Variants in RCN3 observed in about 807,000 individuals in gnomAD.
RCN3 encodes the protein reticulocalbin-3.
RCN3 carries 41 observed loss-of-function variants against 35.9 expected under a neutral mutation model. The observed-to-expected ratio is 1.14, with a 90% confidence interval of 0.89 to 1.48. RCN3 has a LOEUF of 1.48. Ranked by LOEUF, RCN3 falls within the 40% of genes most tolerant of loss-of-function variation. RCN3 has a pLI of 0.00. For synonymous variants in RCN3, 187 were observed against 193.4 expected (o/e 0.97, Z 0.27); for missense variants, 451 against 471.3 (o/e 0.96, Z 0.40).
In RCN3 at chr19:49,543,285, C is replaced by T. The variant is rs548429327; in HGVS notation, c.*72C>T. 1.2e-4 allele frequency: 154 copies of T among 1,253,366 alleles called. No homozygotes were observed. The African/African-American group carries it at 2.1e-3, about 17-fold the overall frequency. 77.6% of individuals were successfully genotyped at this position (1,253,366 alleles called of 1,614,324 possible). A position where few individuals can be genotyped will look rare whatever the true frequency, so the allele number is the denominator to read the frequency against. On this transcript the variant is annotated 3_prime_UTR_variant, in exon 7 of 7. Transcript: ENST00000270645. ...GGAGGGGCCGCTGTGGTCTGGCCCCCTCCCTGTCCAGGCCCCGCAGGAGGC... is the reference window on the plus strand; with the variant it reads ...GGAGGGGCCGCTGTGGTCTGGCCCCTTCCCTGTCCAGGCCCCGCAGGAGGC...
intron 4 of RCN3, among the ~76,000 whole-genome samples, chr19:49,538,574 A>G (rs2080148111): frequency 6.6e-6 from 1 of 152,032 alleles, no homozygotes; most frequent in South Asian, 2.1e-4. Context: ...GGCCTCCCAA[A>G]GTGCTGGGAT....
At chr19:49,540,313 G>A (rs978543671) in intron 5 of RCN3, among the ~76,000 whole-genome samples, 1 of 151,880 alleles carries the variant, frequency 6.6e-6, no homozygotes, top group Admixed American at 6.6e-5. Flanking sequence ...ACCTGGCTGA[G>A]AGAACATTTT....
At chr19:49,535,867 T>TAG (rs1175502875) in intron 3 of RCN3, among the ~76,000 whole-genome samples, 1 of 144,742 alleles carries the variant, frequency 6.9e-6, no homozygotes, top group African/African-American at 2.6e-5. Context: ...AAAAAATATA[T>TAG]ATATATATAG....
At chr19:49,528,184 C>T in intron 1 of RCN3, 126 bp downstream of exon 1, 1 of 381,852 alleles carries the variant, frequency 2.6e-6, no homozygotes, top group Non-Finnish European at 4.7e-6. Flanking sequence ...TGCCCTGCAC[C>T]TTGCGTGGGA....
chr19:49,543,112 C>G lies in RCN3; in HGVS notation c.886C>G (p.Arg296Gly). Residue 296 changes from arginine (R) to glycine (G), a missense_variant, in exon 7 of 7, where the codon CGG (arginine) becomes GGG (glycine). Transcript: ENST00000270645. ...ACCCTGACCCTCCCTCCAGGATGGG[C>G]GGCTGAGCAAAGCGGAAATCCTGGG... ...LHESDTDKDG[R>G]LSKAEILGNW... 1 of 1,613,956 alleles carries G rather than the reference C, an allele frequency of 6.2e-7. No homozygotes were observed. The highest frequency in any genetic ancestry group is 1.3e-5 in the African/African-American group (1 of 75,016).
Position 49,534,178 on chromosome 19 carries a change from C to A in RCN3, c.243-15C>A, listed in dbSNP as rs1226646272. ...GCGGGACCAGAGCCTGACGTGTGCC[C>A]GCCCCGGCTTCTAGGCGGATCGTGG... On this transcript the variant is annotated splice_polypyrimidine_tract_variant and intron_variant, in intron 2 of 6. Transcript: ENST00000270645. 4 of 1,479,326 alleles carry A rather than the reference C, an allele frequency of 2.7e-6. No individual in the cohort carries two copies. The highest frequency in any genetic ancestry group is 2.9e-5 in the African/African-American group (2 of 68,402). 91.6% of individuals were successfully genotyped at this position (1,479,326 alleles called of 1,614,324 possible).
rs1314337953 is a variant in RCN3, at chr19:49,534,362, C to T, written c.412C>T (p.Leu138=). 10 of 1,536,666 alleles carry T rather than the reference C, an allele frequency of 6.5e-6. No homozygotes were observed. The highest frequency in any genetic ancestry group is 1.9e-4 in the Middle Eastern group (1 of 5,190). ...DRDGRVGWEE[L]RNATYGHYAP... ...CGACGGGCGTGTGGGTTGGGAGGAG[C>T]TGCGCAACGCCACCTATGGCCACTA... is the stretch of plus-strand genomic sequence containing the variant. The change falls in exon 3 of 7, where the codon CTG becomes TTG. Residue 138 remains leucine (L), a synonymous_variant. Transcript: ENST00000270645.
In RCN3 at chr19:49,534,352, T is replaced by C. The variant is rs915481278; in HGVS notation, c.402T>C (p.Gly134=). 9 of 1,534,742 alleles carry C rather than the reference T, an allele frequency of 5.9e-6. No individual in the cohort carries two copies. The East Asian group carries it at 7.5e-5, about 13-fold the overall frequency. ...TYDTDRDGRV[G]WEELRNATYG... ...ACACGGACCGCGACGGGCGTGTGGG[T>C]TGGGAGGAGCTGCGCAACGCCACCT... The change falls in exon 3 of 7, where the codon GGT becomes GGC. Residue 134 remains glycine, a synonymous_variant. Transcript: ENST00000270645.
chr19:49,535,861 A>ATATATAT (rs569935429), intron 3 of RCN3, among the ~76,000 whole-genome samples: 8 of 142,746 alleles, frequency 5.6e-5, no homozygotes, highest in African/African-American at 2.1e-4. Context: ...AAAAAAAAAA[A>ATATATAT]ATATATATAT....
intron 4 of RCN3, among the ~76,000 whole-genome samples, chr19:49,537,877 G>A (rs1250195989): frequency 1.3e-5 from 2 of 151,960 alleles, no homozygotes; most frequent in Non-Finnish European, 2.9e-5. Context: ...GACCTCAGGT[G>A]ATCTGCCCAC....
chr19:49,539,726 T>C (rs1425474189), intron 5 of RCN3, among the ~76,000 whole-genome samples: 3 of 145,500 alleles, frequency 2.1e-5, no homozygotes, highest in African/African-American at 8.0e-5. Context: ...GAATTTTTTT[T>C]TTTTTTTTTT....
intron 2 of RCN3, among the ~76,000 whole-genome samples, chr19:49,529,718 G>A (rs996095076): frequency 2.0e-5 from 3 of 148,900 alleles, no homozygotes; most frequent in Non-Finnish European, 4.4e-5. Flanking sequence ...GGGAGAGGTT[G>A]TTGGTGGGGG....
intron 2 of RCN3, among the ~76,000 whole-genome samples, chr19:49,530,337 T>C (rs2080102373): frequency 6.7e-6 from 1 of 150,298 alleles, no homozygotes; most frequent in Non-Finnish European, 1.5e-5. Flanking sequence ...TTTTTTTTTT[T>C]TTTTTTGTAT....
At chr19:49,542,530 G>A in intron 5 of RCN3, 23 bp from the exon 6 acceptor site, 1 of 1,550,842 alleles carries the variant, frequency 6.4e-7, no homozygotes, top group Non-Finnish European at 8.7e-7. Flanking sequence ...CCCTGACCTT[G>A]TCCCCTCTGT....
intron 2 of RCN3, among the ~76,000 whole-genome samples, chr19:49,533,581 G>C (rs919990552): frequency 6.6e-6 from 1 of 152,152 alleles, no homozygotes; most frequent in African/African-American, 2.4e-5. Flanking sequence ...CCCCGGGGTT[G>C]CGGGTGATGG....
chr19:49,529,538 A>G (rs2080098281), intron 2 of RCN3, among the ~76,000 whole-genome samples: 1 of 152,234 alleles, frequency 6.6e-6, no homozygotes, highest in South Asian at 2.1e-4. Context: ...AGCACCTGCT[A>G]TGTGCCAGGC....
At chr19:49,532,288 G>C (rs1038130632) in intron 2 of RCN3, among the ~76,000 whole-genome samples, 65 of 148,610 alleles carry the variant, frequency 4.4e-4, no homozygotes, top group Non-Finnish European at 1.5e-4. Context: ...TGTATTTTTA[G>C]TAGAGACGGG....
At position 49,543,270 on chromosome 19, in the gene RCN3, C is replaced by A. The variant is rs2080172763; in HGVS notation, c.*57C>A. On this transcript the variant is annotated 3_prime_UTR_variant, in exon 7 of 7. Transcript: ENST00000270645. ...CGCACAATGACCGGAGGAGGGGCCG[C>A]TGTGGTCTGGCCCCCTCCCTGTCCA... 7.1e-7 allele frequency: 1 copy of A among 1,401,624 alleles called. No homozygotes were observed. Among genetic ancestry groups the A allele is most frequent in the South Asian group, 1.2e-5 (1 of 84,290 alleles). 86.8% of individuals were successfully genotyped at this position (1,401,624 alleles called of 1,614,324 possible).
Position 49,540,581 on chromosome 19 carries a change from T to C in RCN3, c.679+1402T>C, listed in dbSNP as rs533363003. Among the ~76,000 whole-genome samples the C allele has an allele frequency of 2.0e-3, 297 of 151,644 alleles. 1 individual carries two copies. The highest frequency in any genetic ancestry group is 6.8e-3 in the African/African-American group (281 of 41,340). Reference sequence around the variant, plus strand: ...GTTGCAGTGAGCTGTAATCGCGCCATTGCACTTCAGTCTGGGCAACAAGAG... The same window carrying C: ...GTTGCAGTGAGCTGTAATCGCGCCACTGCACTTCAGTCTGGGCAACAAGAG... On this transcript the variant is annotated intron_variant, in intron 5 of 6. Transcript: ENST00000270645.
Sources: allele counts gnomAD v4.1 joint callset (sites outside exome capture counted in the v4.1 genomes callset), GRCh38; gene constraint gnomAD v4.1.1; transcripts MANE v1.5; gene names NCBI Gene and HGNC (gene_info 2026-07-23, HGNC 2026-07-21).